Variants in CCDC43 observed in about 807,000 individuals in gnomAD.
CCDC43 encodes coiled-coil domain-containing protein 43.
Under a neutral mutation model 33.3 loss-of-function variants are expected in CCDC43, and 20 were observed. The observed-to-expected ratio is 0.60, with a 90% CI of 0.42 to 0.87. The LOEUF (loss-of-function observed/expected upper bound fraction) is 0.87. Ranked by LOEUF, CCDC43 falls within the 40% of genes least tolerant of loss-of-function variation. CCDC43 has a pLI of 0.00. For missense variants in CCDC43, 248 were observed against 269.9 expected, an observed-to-expected ratio of 0.92 and a Z score of 0.57; for synonymous variants, 104 against 106.5, an observed-to-expected ratio of 0.98 and a Z score of 0.14.
chr17:44,686,755 G>A (rs116586235), intron 1 of CCDC43, among the ~76,000 whole-genome samples: 258 of 152,160 alleles, frequency 1.7e-3, no homozygotes, highest in African/African-American at 5.9e-3. Flanking sequence ...GAATGTAACC[G>A]CATGAGGGCA....
At position 44,683,895 on chromosome 17, in the gene CCDC43, A is replaced by G. The variant is rs746312553; in HGVS notation, c.269T>C (p.Val90Ala). 2 of 1,613,046 alleles carry G rather than the reference A, an allele frequency of 1.2e-6. No individual in the cohort carries two copies. Among genetic ancestry groups the G allele is most frequent in the Admixed American group, 1.7e-5 (1 of 60,016 alleles). Residue 90 changes from valine (V) to alanine (A), a missense_variant, in exon 2 of 5, where the codon GTT becomes GCT. Val to Ala is a moderately conservative substitution (Grantham distance 64, BLOSUM62 0). Coordinates refer to ENST00000315286, the MANE Select transcript of CCDC43 (RefSeq NM_144609.3). ...ACCTTCTTTTTTCACTTTGGTGACA[A>G]CATTCTGAGTTTCTGACCATCGTTC... ...IVERWSETQN[V>A]VTKVKKEDEV...
intron 4 of CCDC43, among the ~76,000 whole-genome samples, chr17:44,680,291 A>G (rs1972140549): frequency 6.6e-6 from 1 of 152,112 alleles, no homozygotes; most frequent in Non-Finnish European, 1.5e-5. Context: ...CCTGACCTCA[A>G]TATTATTTTA....
In CCDC43 at chr17:44,677,535, T is replaced by C. The variant is rs1041642184; in HGVS notation, c.*1321A>G. Reference sequence around the variant, plus strand: ...TGTATGAAGAGGTAACATGTCTCCTTTTCCTTAACCATGTTTTTTTTTTTT... The same window carrying C: ...TGTATGAAGAGGTAACATGTCTCCTCTTCCTTAACCATGTTTTTTTTTTTT... On this transcript the variant is annotated 3_prime_UTR_variant, in exon 5 of 5. Transcript: ENST00000315286. The C allele has an allele frequency of 1.3e-5, 2 of 151,974 alleles. No individual in the cohort carries two copies. The highest frequency in any genetic ancestry group is 4.8e-5 in the African/African-American group (2 of 41,334). 9.4% of individuals were successfully genotyped at this position (151,974 alleles called of 1,614,324 possible). A position where few individuals can be genotyped will look rare whatever the true frequency, so the allele number is the denominator to read the frequency against.
intron 1 of CCDC43, among the ~76,000 whole-genome samples, chr17:44,686,939 T>A (rs1013112407): frequency 6.6e-5 from 10 of 152,194 alleles, no homozygotes; most frequent in Admixed American, 3.3e-4. Flanking sequence ...TATATGCCAC[T>A]GTTCTTGAAT....
At chr17:44,680,813 A>G (rs1206037522) in intron 3 of CCDC43, among the ~76,000 whole-genome samples, 170 bp from the exon 4 acceptor site, 1 of 152,218 alleles carries the variant, frequency 6.6e-6, no homozygotes, top group African/African-American at 2.4e-5. Context: ...CTTAGGAAAG[A>G]TTGATATATC....
intron 3 of CCDC43, 37 bp from the exon 4 acceptor site, chr17:44,680,680 AT>A: frequency 6.6e-7 from 1 of 1,513,846 alleles, no homozygotes. Context: ...GGAAAACAAC[AT>A]CCCAACCTAA....
At chr17:44,682,801 G>A (rs1405477658) in intron 2 of CCDC43, among the ~76,000 whole-genome samples, 1 of 151,914 alleles carries the variant, frequency 6.6e-6, no homozygotes, top group African/African-American at 2.4e-5. Context: ...AGCTTGCAGT[G>A]AGCCGAGATC....
At position 44,689,776 on chromosome 17, in the gene CCDC43, C is replaced by T. The variant is rs1411350870; in HGVS notation, c.-23G>A. On this transcript the variant is annotated 5_prime_UTR_variant, in exon 1 of 5. Coordinates refer to ENST00000315286, the MANE Select transcript of CCDC43 (RefSeq NM_144609.3). ...CATCTTGGGGTCAGGGTCCTGCAAG[C>T]CCCTAGGGCGCCTACCGCAGTGCCT... 1 of 1,540,106 alleles carries T rather than the reference C, an allele frequency of 6.5e-7. No individual in the cohort carries two copies. Among genetic ancestry groups the T allele is most frequent in the Non-Finnish European group, 8.7e-7 (1 of 1,146,610 alleles).
intron 1 of CCDC43, among the ~76,000 whole-genome samples, chr17:44,686,045 C>T (rs991936392): frequency 6.6e-5 from 10 of 152,170 alleles, no homozygotes; most frequent in African/African-American, 2.2e-4. Flanking sequence ...TCCCAAGCAG[C>T]TGGGACTACA....
chr17:44,679,318 TAAG>T (rs998531381), intron 4 of CCDC43, among the ~76,000 whole-genome samples: 5 of 151,900 alleles, frequency 3.3e-5, no homozygotes, highest in African/African-American at 1.2e-4. Flanking sequence ...AACAAAAAAA[TAAG>T]AAAACAAAAT....
chr17:44,686,727 T>G (rs1038637661), intron 1 of CCDC43, among the ~76,000 whole-genome samples: 1 of 152,222 alleles, frequency 6.6e-6, no homozygotes, highest in Non-Finnish European at 1.5e-5. Flanking sequence ...AATTTACTAG[T>G]GATGCTTTTC....
At chr17:44,686,920 GCTC>G (rs2144696556) in intron 1 of CCDC43, among the ~76,000 whole-genome samples, 1 of 152,236 alleles carries the variant, frequency 6.6e-6, no homozygotes, top group South Asian at 2.1e-4. Flanking sequence ...ACTGTTATTT[GCTC>G]CTAACTATAT....
Position 44,689,541 on chromosome 17 carries a change from G to T in CCDC43, c.204+9C>A. ...CCAGAGGCTGAAGGAATGTGTCCAG[G>T]CTACTCACCAGGAAAGCAGAGAGGA... On this transcript the variant is annotated intron_variant, in intron 1 of 4. Transcript: ENST00000315286. 6.2e-7 allele frequency: 1 copy of T among 1,613,922 alleles called. No individual in the cohort carries two copies. Among genetic ancestry groups the T allele is most frequent in the Non-Finnish European group, 8.5e-7 (1 of 1,179,840 alleles).
At chr17:44,681,743 A>G (rs1296220870) in intron 3 of CCDC43, 4 of 445,568 alleles carry the variant, frequency 9.0e-6, no homozygotes, top group Non-Finnish European at 1.6e-5. Context: ...AAAGCATAAT[A>G]TAAATGGACT....
intron 4 of CCDC43, 137 bp from the exon 5 acceptor site, chr17:44,679,180 CCTT>C: frequency 1.9e-6 from 1 of 529,100 alleles, no homozygotes; most frequent in Non-Finnish European, 3.1e-6. Context: ...TAAAAAAAAC[CCTT>C]ATGTTTATCC....
chr17:44,682,169 G>C, intron 2 of CCDC43, 31 bp from the exon 3 acceptor site: 1 of 1,613,388 alleles, frequency 6.2e-7, no homozygotes, highest in Non-Finnish European at 8.5e-7. Flanking sequence ...GAACAAGGTT[G>C]TATGAGAGAG....
At chr17:44,680,842 T>C (rs1271483073) in intron 3 of CCDC43, among the ~76,000 whole-genome samples, 199 bp from the exon 4 acceptor site, 1 of 152,202 alleles carries the variant, frequency 6.6e-6, no homozygotes, top group Middle Eastern at 3.2e-3. Context: ...GATCCTTTTC[T>C]TGGAGGCTGA....
chr17:44,682,391 T>TAAAAA (rs67280453), intron 2 of CCDC43, among the ~76,000 whole-genome samples: 3 of 100,996 alleles, frequency 3.0e-5, no homozygotes, highest in Admixed American at 1.1e-4. Context: ...TCTGCTGCCT[T>TAAAAA]AAAAAAAAAA....
chr17:44,685,749 C>A (rs1972225322), intron 1 of CCDC43, among the ~76,000 whole-genome samples: 1 of 152,144 alleles, frequency 6.6e-6, no homozygotes, highest in Non-Finnish European at 1.5e-5. Flanking sequence ...GCTCTAAAAG[C>A]CTTACATGAG....
Sources: gnomAD v4.1 joint callset for allele counts (sites outside exome capture counted in the v4.1 genomes callset) on GRCh38, gnomAD v4.1.1 for gene constraint, MANE v1.5 for transcripts, NCBI Gene and HGNC (gene_info 2026-07-23, HGNC 2026-07-21) for gene names.